PCNX2: variants seen among roughly 807,000 people sequenced by gnomAD.
PCNX2 encodes the protein pecanex-like protein 2.
PCNX2 carries 168 observed loss-of-function variants against 223.8 expected under a neutral mutation model. The ratio of observed to expected loss-of-function variants is 0.75; its 90% confidence interval spans 0.66 to 0.85. PCNX2 has a LOEUF of 0.85. Ranked by LOEUF, PCNX2 falls within the 40% of genes least tolerant of loss-of-function variation. PCNX2 has a pLI of 0.00. For missense variants in PCNX2, 2,507 were observed against 2,675.5 expected, an observed-to-expected ratio of 0.94 and a Z score of 1.39; for synonymous variants, 1,006 against 1,052.6, an observed-to-expected ratio of 0.96 and a Z score of 0.86.
At chr1:233,026,871 G>A (rs1671095766) in intron 25 of PCNX2, among the ~76,000 whole-genome samples, 1 of 152,172 alleles carries the variant, frequency 6.6e-6, no homozygotes, top group Non-Finnish European at 1.5e-5. Context: ...ATGTCAGGGA[G>A]GCAGCTGGAT....
intron 1 of PCNX2, 21 bp from the exon 2 acceptor site, chr1:233,263,184 A>G (rs776435889): frequency 7.1e-5 from 109 of 1,535,832 alleles, no homozygotes; most frequent in Non-Finnish European, 8.9e-5. Context: ...GAAAAGACAG[A>G]GAAAAATCAT....
chr1:233,313,889 T>C, the PCNX2 span, among the ~76,000 whole-genome samples: 1 of 152,150 alleles, frequency 6.6e-6, no homozygotes, highest in East Asian at 1.9e-4. Flanking sequence ...TGTTGCTGTG[T>C]TGAGAAAGGT....
Position 233,261,113 on chromosome 1 carries a change from C to G in PCNX2, c.517+172G>C, listed in dbSNP as rs565952282. Among the ~76,000 whole-genome samples the G allele has an allele frequency of 2.0e-5, 3 of 151,928 alleles. No homozygotes were observed. In the East Asian group the frequency reaches 5.8e-4, roughly 29 times the overall value. ...GAATTAAGACTTGATATACAAATACCGATGAGAAAAAATTAAAATTAAGAG... is the reference window on the plus strand; with the variant it reads ...GAATTAAGACTTGATATACAAATACGGATGAGAAAAAATTAAAATTAAGAG... On this transcript the variant is annotated intron_variant, in intron 4 of 33. Transcript: ENST00000258229.
intron 23 of PCNX2, among the ~76,000 whole-genome samples, chr1:233,074,604 A>G (rs1673010946): frequency 6.9e-6 from 1 of 144,506 alleles, no homozygotes; most frequent in African/African-American, 2.7e-5. Flanking sequence ...CAAAAAAAAA[A>G]AAAAAAAAAA....
chr1:233,250,910 A>C (rs1229459339), intron 7 of PCNX2, 78 bp from the exon 8 acceptor site: 1 of 1,434,806 alleles, frequency 7.0e-7, no homozygotes, highest in East Asian at 2.5e-5. Flanking sequence ...ACAATTTTCA[A>C]GTTAAAAGGA....
chr1:233,277,006 G>A (rs1190627610), intron 1 of PCNX2, among the ~76,000 whole-genome samples: 40 of 152,234 alleles, frequency 2.6e-4, no homozygotes, highest in Non-Finnish European at 5.9e-5. Context: ...CAAGGAACTG[G>A]TATTGAACTT....
At position 233,250,727 on chromosome 1, in the gene PCNX2, A is replaced by G; in HGVS notation, c.2222+12T>C. On this transcript the variant is annotated intron_variant, in intron 8 of 33. Transcript: ENST00000258229. ...CAACAGCTCTCAAGCCTGGAAACAA[A>G]GCTCCACTCACCGAGCCTGAGAGAG... The G allele has an allele frequency of 4.4e-6, 7 of 1,593,348 alleles. No individual in the cohort carries two copies. The highest frequency in any genetic ancestry group is 1.2e-5 in the South Asian group (1 of 86,140).
the PCNX2 span, among the ~76,000 whole-genome samples, chr1:233,311,823 C>T: frequency 3.2e-3 from 486 of 152,184 alleles, 1 homozygote; most frequent in Non-Finnish European, 5.8e-3. Flanking sequence ...ACAAATAGAA[C>T]TTAAAAATAA....
At chr1:233,006,480 C>T (rs955553354) in intron 28 of PCNX2, among the ~76,000 whole-genome samples, 1 of 152,176 alleles carries the variant, frequency 6.6e-6, no homozygotes, top group Non-Finnish European at 1.5e-5. Context: ...GGACAGCCCC[C>T]ACCACAAAGA....
intron 8 of PCNX2, among the ~76,000 whole-genome samples, chr1:233,247,508 G>T (rs2102981032): frequency 6.6e-6 from 1 of 152,138 alleles, no homozygotes; most frequent in African/African-American, 2.4e-5. Flanking sequence ...GTTTTTTGTA[G>T]AGATGGAGTC....
At chr1:233,125,840 A>G (rs2357429) in intron 21 of PCNX2, 2 of 152,242 alleles carry the variant, frequency 1.3e-5, no homozygotes, top group African/African-American at 4.8e-5. Flanking sequence ...ATGGGGGAGA[A>G]GGAGAAATAA....
intron 15 of PCNX2, among the ~76,000 whole-genome samples, chr1:233,191,749 G>C (rs1680430780): frequency 6.6e-6 from 1 of 152,204 alleles, no homozygotes; most frequent in Non-Finnish European, 1.5e-5. Flanking sequence ...AGAGGCAGAA[G>C]GGCTGGAAGT....
intron 1 of PCNX2, among the ~76,000 whole-genome samples, chr1:233,274,729 A>G (rs1660821925): frequency 6.6e-6 from 1 of 152,246 alleles, no homozygotes; most frequent in South Asian, 2.1e-4. Context: ...GCATGAGAAA[A>G]GCAAAGGGCC....
chr1:233,041,584 TAAATAAAATTCA>T (rs1373001523), intron 25 of PCNX2, among the ~76,000 whole-genome samples: 1 of 152,174 alleles, frequency 6.6e-6, no homozygotes, highest in African/African-American at 2.4e-5. Flanking sequence ...CCCACCTAAA[TAAATAAAATTCA>T]GTGCACACTA....
chr1:233,289,431 G>A lies in PCNX2; in HGVS notation c.153+5895C>T, dbSNP rs1458214167. On this transcript the variant is annotated intron_variant, in intron 1 of 33. Coordinates refer to ENST00000258229, the MANE Select transcript of PCNX2 (RefSeq NM_014801.4). ...CTCGCCATTAGGCTTCACGATCTTG[G>A]CGCTCGTACTGAACATGGCCTTCTC... The A allele has an allele frequency of 4.3e-6, 6 of 1,409,778 alleles. No homozygotes were observed. The Admixed American group carries it at 8.4e-5, about 20-fold the overall frequency. 87.3% of individuals were successfully genotyped at this position (1,409,778 alleles called of 1,614,324 possible).
In PCNX2 at chr1:233,258,709, T is replaced by C. The variant is rs753669967; in HGVS notation, c.1153A>G (p.Asn385Asp). The C allele has an allele frequency of 1.9e-6, 3 of 1,613,898 alleles. No individual in the cohort carries two copies. The East Asian group carries it at 6.7e-5, about 36-fold the overall frequency. ...GAGCTTTCCAAATCTGTCATGGAGT[T>C]TGGGGTACTGCTCATCGTGATAACA... ...KIVITMSSTPNSMTDLESSLH... is the reference protein window; with the variant it reads ...KIVITMSSTPDSMTDLESSLH... The change falls in exon 5 of 34, where the codon AAC (asparagine) becomes GAC (aspartate). Residue 385 changes from asparagine to aspartate, a missense_variant. Transcript: ENST00000258229.
intron 20 of PCNX2, among the ~76,000 whole-genome samples, chr1:233,137,699 G>A (rs1274370796): frequency 6.6e-6 from 1 of 152,158 alleles, no homozygotes; most frequent in East Asian, 1.9e-4. Context: ...TTAGCTGAAG[G>A]TTTTATAAAG....
chr1:233,063,562 G>T (rs1316775642), intron 23 of PCNX2, among the ~76,000 whole-genome samples: 17 of 152,014 alleles, frequency 1.1e-4, no homozygotes, highest in Non-Finnish European at 4.4e-5. Flanking sequence ...ATACTTTAAA[G>T]ATCTTTTTTG....
intron 26 of PCNX2, among the ~76,000 whole-genome samples, chr1:233,019,802 T>C (rs1303590069): frequency 6.6e-6 from 1 of 152,030 alleles, no homozygotes; most frequent in African/African-American, 2.4e-5. Context: ...AATAGAAACT[T>C]TGAATCTGGA....
Sources: allele counts gnomAD v4.1 joint callset (sites outside exome capture counted in the v4.1 genomes callset), GRCh38; gene constraint gnomAD v4.1.1; transcripts MANE v1.5; gene names NCBI Gene and HGNC (gene_info 2026-07-23, HGNC 2026-07-21).